Variants in ABCC1 observed in about 807,000 individuals in gnomAD.
ABCC1 encodes multidrug resistance-associated protein 1.
Under a neutral mutation model 172.9 loss-of-function variants are expected in ABCC1, and 83 were observed. That is an observed-to-expected ratio of 0.48 (90% CI 0.40 to 0.58). The LOEUF (loss-of-function observed/expected upper bound fraction) is 0.58, where lower values mean the gene tolerates loss of function less well. Ranked by LOEUF, ABCC1 falls within the 20% of genes least tolerant of loss-of-function variation. The pLI is 0.00. For synonymous variants in ABCC1, 937 were observed against 825.2 expected (o/e 1.14, Z -2.32); for missense variants, 1,817 against 2,002.7 (o/e 0.91, Z 1.77).
chr16:16,062,467 C>G (rs1472515629), intron 12 of ABCC1, among the ~76,000 whole-genome samples: 1 of 152,154 alleles, frequency 6.6e-6, no homozygotes, highest in African/African-American at 2.4e-5. Context: ...CTGCTTCAGC[C>G]TCTGGAGTAG....
intron 21 of ABCC1, among the ~76,000 whole-genome samples, chr16:16,109,539 C>T (rs1171345038): frequency 6.6e-6 from 1 of 152,136 alleles, no homozygotes; most frequent in Admixed American, 6.6e-5. Context: ...AGCACAGACA[C>T]GGGTAAAGAT....
At chr16:16,102,903 C>G (rs1486970534) in intron 20 of ABCC1, among the ~76,000 whole-genome samples, 186 bp downstream of exon 20, 3 of 152,194 alleles carry the variant, frequency 2.0e-5, no homozygotes, top group Non-Finnish European at 4.4e-5. Flanking sequence ...ATGTGGCACT[C>G]TTTTTGCCAG....
intron 3 of ABCC1, among the ~76,000 whole-genome samples, 171 bp downstream of exon 3, chr16:16,010,072 A>G (rs1216723612): frequency 1.0e-5 from 1 of 95,612 alleles, no homozygotes; most frequent in East Asian, 2.6e-4. Flanking sequence ...AAGACATGAG[A>G]TCTCGCTTTC....
chr16:15,993,949 G>A (rs539017462), intron 1 of ABCC1, among the ~76,000 whole-genome samples: 39 of 152,244 alleles, frequency 2.6e-4, no homozygotes, highest in African/African-American at 8.7e-4. Flanking sequence ...TTAGAATTCT[G>A]GCTGGGCATG....
chr16:16,044,372 A>G lies in ABCC1; in HGVS notation c.810-78A>G, dbSNP rs1480110885. On this transcript the variant is annotated intron_variant, in intron 7 of 30. Coordinates refer to ENST00000399410, the MANE Select transcript of ABCC1 (RefSeq NM_004996.4). ...GACTCTGCCTTCCCTGAAGGGTGAC[A>G]TTCCCTGGCCATGTCCCTGTGGTAG... The G allele has an allele frequency of 7.8e-6, 10 of 1,285,384 alleles. No homozygotes were observed. The Admixed American group carries it at 1.9e-4, about 24-fold the overall frequency. 79.6% of individuals were successfully genotyped at this position (1,285,384 alleles called of 1,614,324 possible). A position where few individuals can be genotyped will look rare whatever the true frequency, so the allele number is the denominator to read the frequency against.
At chr16:16,023,300 T>A (rs555098049) in intron 5 of ABCC1, among the ~76,000 whole-genome samples, 1 of 152,210 alleles carries the variant, frequency 6.6e-6, no homozygotes, top group Non-Finnish European at 1.5e-5. Flanking sequence ...GAGTTTAAGA[T>A]CTGTTTACAC....
At chr16:16,051,902 T>C (rs911174605) in intron 10 of ABCC1, among the ~76,000 whole-genome samples, 3 of 152,162 alleles carry the variant, frequency 2.0e-5, no homozygotes, top group Non-Finnish European at 4.4e-5. Context: ...CAGGTGGTCG[T>C]GTTCACACTT....
chr16:16,028,911 G>C (rs1390786278), intron 5 of ABCC1, among the ~76,000 whole-genome samples: 1 of 152,098 alleles, frequency 6.6e-6, no homozygotes, highest in Non-Finnish European at 1.5e-5. Context: ...GGCTTCAGTT[G>C]GTCTGGAATG....
intron 6 of ABCC1, among the ~76,000 whole-genome samples, chr16:16,035,858 A>C (rs1298317174): frequency 6.6e-6 from 1 of 151,826 alleles, no homozygotes; most frequent in African/African-American, 2.4e-5. Context: ...TTATGCCTAT[A>C]ATTCCAAGAC....
chr16:16,117,108 C>T (rs532141933), intron 23 of ABCC1, among the ~76,000 whole-genome samples: 3 of 152,174 alleles, frequency 2.0e-5, no homozygotes, highest in South Asian at 2.1e-4. Context: ...CATGGATAAC[C>T]GAAACCATGT....
chr16:15,953,473 T>G (rs2045922083), intron 1 of ABCC1, among the ~76,000 whole-genome samples: 1 of 152,290 alleles, frequency 6.6e-6, no homozygotes, highest in East Asian at 1.9e-4. Flanking sequence ...TTACGTCATC[T>G]CTCCGTGCCT....
At chr16:16,123,080 C>T (rs371602883) in intron 24 of ABCC1, among the ~76,000 whole-genome samples, 39 of 152,178 alleles carry the variant, frequency 2.6e-4, no homozygotes, top group African/African-American at 8.9e-4. Context: ...ACCATTAGCC[C>T]GTCTTACACA....
chr16:15,990,117 C>T (rs895986649), intron 1 of ABCC1, among the ~76,000 whole-genome samples: 2 of 151,962 alleles, frequency 1.3e-5, no homozygotes, highest in African/African-American at 2.4e-5. Flanking sequence ...TACAGTGGTG[C>T]GATCTCAGCT....
intron 27 of ABCC1, among the ~76,000 whole-genome samples, chr16:16,133,304 C>G (rs2045775737): frequency 6.6e-6 from 1 of 152,208 alleles, no homozygotes; most frequent in African/African-American, 2.4e-5. Context: ...TCAGAACATT[C>G]TGTTCCCAGC....
intron 21 of ABCC1, among the ~76,000 whole-genome samples, chr16:16,107,578 C>T (rs1369776103): frequency 3.3e-5 from 5 of 152,272 alleles, no homozygotes; most frequent in South Asian, 4.1e-4. Flanking sequence ...GGGTGAGCAC[C>T]GCGTCCTGCC....
At chr16:16,087,358 A>G (rs989749024) in intron 18 of ABCC1, among the ~76,000 whole-genome samples, 2 of 152,194 alleles carry the variant, frequency 1.3e-5, no homozygotes, top group African/African-American at 4.8e-5. Context: ...GAGGGGTCGG[A>G]AAATTGCCAC....
At chr16:15,990,775 G>A (rs541305133) in intron 1 of ABCC1, among the ~76,000 whole-genome samples, 34 of 150,824 alleles carry the variant, frequency 2.3e-4, no homozygotes, top group African/African-American at 8.0e-4. Flanking sequence ...TCAGCCTCCC[G>A]AGTAGCTGGA....
chr16:16,120,723 G>C (rs1596534855), intron 23 of ABCC1, among the ~76,000 whole-genome samples: 1 of 152,126 alleles, frequency 6.6e-6, no homozygotes, highest in African/African-American at 2.4e-5. Flanking sequence ...TGTGTGCAGG[G>C]AAGGAAGGGG....
intron 27 of ABCC1, 116 bp from the exon 28 acceptor site, chr16:16,134,234 A>G (rs2045825133): frequency 1.5e-6 from 2 of 1,319,960 alleles, no homozygotes; most frequent in Non-Finnish European, 1.1e-6. Flanking sequence ...AGGGCTGTCG[A>G]GTTGGGTTGA....
Sources: allele counts gnomAD v4.1 joint callset (sites outside exome capture counted in the v4.1 genomes callset), GRCh38; gene constraint gnomAD v4.1.1; transcripts MANE v1.5; gene names NCBI Gene and HGNC (gene_info 2026-07-23, HGNC 2026-07-21).